ST3GAL2: variants seen among roughly 807,000 people sequenced by gnomAD.
ST3GAL2 encodes CMP-N-acetylneuraminate-beta-galactosamide-alpha-2,3-sialyltransferase 2.
Under a neutral mutation model 37.5 loss-of-function variants are expected in ST3GAL2, and 16 were observed. That is an observed-to-expected ratio of 0.43 (90% CI 0.29 to 0.65). ST3GAL2 has a LOEUF of 0.65. Ranked by LOEUF, ST3GAL2 falls within the 30% of genes least tolerant of loss-of-function variation. The pLI is 0.17. For synonymous variants in ST3GAL2, 238 were observed against 202.9 expected (o/e 1.17, Z -1.47); for missense variants, 383 against 487.8 (o/e 0.79, Z 2.02).
At chr16:70,388,128 AC>A (rs1243720703) in intron 4 of ST3GAL2, among the ~76,000 whole-genome samples, 1 of 151,144 alleles carries the variant, frequency 6.6e-6, no homozygotes, top group Non-Finnish European at 1.5e-5. Context: ...AAAAAAAAAA[AC>A]AAACAAAAAA....
At chr16:70,390,228 C>T (rs1447933284) in intron 3 of ST3GAL2, among the ~76,000 whole-genome samples, 1 of 152,162 alleles carries the variant, frequency 6.6e-6, no homozygotes, top group Non-Finnish European at 1.5e-5. Flanking sequence ...GTCTGCATCA[C>T]CACGCCTGTT....
At chr16:70,404,443 G>A (rs1224916063) in intron 1 of ST3GAL2, among the ~76,000 whole-genome samples, 1 of 152,168 alleles carries the variant, frequency 6.6e-6, no homozygotes, top group Non-Finnish European at 1.5e-5. Flanking sequence ...CACAGGAAAA[G>A]ATGCTCAACG....
chr16:70,387,780 G>A (rs1167451295), intron 4 of ST3GAL2, among the ~76,000 whole-genome samples: 2 of 152,056 alleles, frequency 1.3e-5, no homozygotes, highest in African/African-American at 4.8e-5. Flanking sequence ...AGAAGGCAGA[G>A]CTCCCTCAGT....
chr16:70,425,505 C>T (rs1251574999), intron 1 of ST3GAL2, among the ~76,000 whole-genome samples: 1 of 151,844 alleles, frequency 6.6e-6, no homozygotes, highest in East Asian at 1.9e-4. Flanking sequence ...GTGCCAGGTA[C>T]CATTTTGACC....
chr16:70,406,931 C>G (rs1382466656), intron 1 of ST3GAL2, among the ~76,000 whole-genome samples: 2 of 152,060 alleles, frequency 1.3e-5, no homozygotes, highest in Non-Finnish European at 2.9e-5. Context: ...GGAACAAAGG[C>G]CGGGAGCAGC....
At chr16:70,419,110 A>G (rs529439837) in intron 1 of ST3GAL2, among the ~76,000 whole-genome samples, 52 of 151,832 alleles carry the variant, frequency 3.4e-4, no homozygotes, top group Non-Finnish European at 7.4e-4. Flanking sequence ...TCTGGGTCCT[A>G]CCCTCCCCCA....
intron 3 of ST3GAL2, among the ~76,000 whole-genome samples, chr16:70,393,086 ATTT>A (rs11421656): frequency 7.4e-6 from 1 of 135,660 alleles, no homozygotes; most frequent in Non-Finnish European, 1.6e-5. Flanking sequence ...GCATCTATAA[ATTT>A]TTTTTTTTTT....
intron 6 of ST3GAL2, among the ~76,000 whole-genome samples, chr16:70,382,198 C>T (rs963538814): frequency 6.6e-6 from 1 of 152,124 alleles, no homozygotes; most frequent in Non-Finnish European, 1.5e-5. Context: ...CATTTTTACA[C>T]GAAGTAGGCC....
At chr16:70,393,782 G>A (rs1163871654) in intron 3 of ST3GAL2, 1 of 152,246 alleles carries the variant, frequency 6.6e-6, no homozygotes, top group African/African-American at 2.4e-5. Context: ...TTCCCAACAT[G>A]AGGAAGGTCT....
Position 70,381,096 on chromosome 16 carries a change from G to A in ST3GAL2, c.*593C>T, listed in dbSNP as rs1461159655. ...AGAGGGCGCCACTCCCGGCTTCCTG[G>A]AGACGCAGGAAGCCCTGGGGGCGCA... On this transcript the variant is annotated 3_prime_UTR_variant, in exon 7 of 7. Transcript: ENST00000342907. The A allele has an allele frequency of 6.6e-6, 1 of 152,582 alleles. No individual in the cohort carries two copies. The highest frequency in any genetic ancestry group is 2.4e-5 in the African/African-American group (1 of 41,462). 9.5% of individuals were successfully genotyped at this position (152,582 alleles called of 1,614,324 possible).
chr16:70,388,351 C>T lies in ST3GAL2; in HGVS notation c.713+16G>A. 6.2e-7 allele frequency: 1 copy of T among 1,613,986 alleles called. No individual in the cohort carries two copies. Among genetic ancestry groups the T allele is most frequent in the Non-Finnish European group, 8.5e-7 (1 of 1,179,948 alleles). On this transcript the variant is annotated intron_variant, in intron 4 of 6. Transcript: ENST00000342907. Reference sequence around the variant, plus strand: ...TCCTGTCACCCATATTCTACCCAGGCCAGCAAGAAGCTCACAATCGGATCT... The same window carrying T: ...TCCTGTCACCCATATTCTACCCAGGTCAGCAAGAAGCTCACAATCGGATCT...
intron 3 of ST3GAL2, among the ~76,000 whole-genome samples, chr16:70,394,542 AT>A (rs551401120): frequency 9.2e-4 from 140 of 152,184 alleles, no homozygotes; most frequent in Non-Finnish European, 1.7e-3. Flanking sequence ...TGCCCAGCTA[AT>A]CTTTAAAAAT....
intron 1 of ST3GAL2, among the ~76,000 whole-genome samples, chr16:70,410,191 A>T (rs1287120411): frequency 1.7e-5 from 2 of 120,828 alleles, no homozygotes; most frequent in African/African-American, 6.1e-5. Context: ...TTTTTTCTGT[A>T]TTTTTTTTCT....
intron 3 of ST3GAL2, among the ~76,000 whole-genome samples, chr16:70,394,198 G>C (rs1567667997): frequency 6.6e-6 from 1 of 152,178 alleles, no homozygotes; most frequent in Non-Finnish European, 1.5e-5. Flanking sequence ...TAGAGGTCTT[G>C]GGAATGAATG....
intron 1 of ST3GAL2, among the ~76,000 whole-genome samples, chr16:70,421,835 G>T (rs756546008): frequency 1.4e-5 from 2 of 143,978 alleles, no homozygotes; most frequent in Non-Finnish European, 2.9e-5. Flanking sequence ...ACCTGACTTC[G>T]CTTTCAGAGT....
In ST3GAL2 at chr16:70,379,062, T is replaced by C. The variant is rs1324907072; in HGVS notation, c.*2627A>G. ...CTGTGGCATGGTGGAAATTGGGCTG[T>C]GGAGGCAGGGCTGTGCCAGAGGGGA... On this transcript the variant is annotated 3_prime_UTR_variant, in exon 7 of 7. Coordinates refer to ENST00000342907, the MANE Select transcript of ST3GAL2 (RefSeq NM_006927.4). 2 of 152,238 alleles carry C rather than the reference T, an allele frequency of 1.3e-5. No individual in the cohort carries two copies. The highest frequency in any genetic ancestry group is 2.1e-4 in the South Asian group (1 of 4,834). 9.4% of individuals were successfully genotyped at this position (152,238 alleles called of 1,614,324 possible).
At chr16:70,408,905 AAAAAAAAAAAAAAAAAAAAAAAG>A (rs1567672542) in intron 1 of ST3GAL2, among the ~76,000 whole-genome samples, 1 of 112,626 alleles carries the variant, frequency 8.9e-6, no homozygotes, top group Non-Finnish European at 1.6e-5. Flanking sequence ...AAAAAAAAAA[AAAAAAAAAAAAAAAAAAAAAAAG>A]AAAGAAAAAA....
At chr16:70,389,484 T>C (rs1033976280) in intron 3 of ST3GAL2, among the ~76,000 whole-genome samples, 1 of 151,596 alleles carries the variant, frequency 6.6e-6, no homozygotes, top group African/African-American at 2.4e-5. Context: ...AAGTTTTTGG[T>C]TGAGACGGAT....
intron 1 of ST3GAL2, among the ~76,000 whole-genome samples, chr16:70,434,348 A>C (rs946244673): frequency 1.3e-5 from 2 of 151,994 alleles, no homozygotes; most frequent in Admixed American, 6.6e-5. Context: ...GAGGCATGAG[A>C]GTCGCTTGAA....
Sources: allele counts gnomAD v4.1 joint callset (sites outside exome capture counted in the v4.1 genomes callset), GRCh38; gene constraint gnomAD v4.1.1; transcripts MANE v1.5; gene names NCBI Gene and HGNC (gene_info 2026-07-23, HGNC 2026-07-21).